Variants in CBFA2T2 observed in about 807,000 individuals in gnomAD.
CBFA2T2 encodes protein CBFA2T2.
CBFA2T2 carries 11 observed loss-of-function variants against 62.2 expected under a neutral mutation model. The observed-to-expected ratio is 0.18, with a 90% CI of 0.11 to 0.29. The LOEUF (loss-of-function observed/expected upper bound fraction) is 0.29, where lower values mean the gene tolerates loss of function less well. Among genes scored for constraint, CBFA2T2 ranks in the 10% least tolerant of loss-of-function variants. CBFA2T2 has a pLI of 1.00. For synonymous variants in CBFA2T2, 295 were observed against 287.5 expected (o/e 1.03, Z -0.27); for missense variants, 592 against 774.1 (o/e 0.76, Z 2.79).
At chr20:33,544,139 C>CA (rs1568810382) in intron 1 of CBFA2T2, among the ~76,000 whole-genome samples, 1 of 152,178 alleles carries the variant, frequency 6.6e-6, no homozygotes, top group Admixed American at 6.5e-5. Flanking sequence ...TAATGACTCC[C>CA]ATTTTACTGA....
At chr20:33,528,930 G>A (rs763081443) in intron 1 of CBFA2T2, among the ~76,000 whole-genome samples, 2 of 152,176 alleles carry the variant, frequency 1.3e-5, no homozygotes, top group East Asian at 1.9e-4. Flanking sequence ...TTTTGGGCTC[G>A]TGATGCCACC....
chr20:33,570,001 C>G (rs1025680598), intron 1 of CBFA2T2, among the ~76,000 whole-genome samples: 37 of 152,294 alleles, frequency 2.4e-4, no homozygotes, highest in African/African-American at 8.9e-4. Context: ...CAAGACAAGC[C>G]TGGGCAACAT....
chr20:33,578,018 A>G (rs2013909316), intron 1 of CBFA2T2, among the ~76,000 whole-genome samples: 1 of 152,214 alleles, frequency 6.6e-6, no homozygotes, highest in African/African-American at 2.4e-5. Flanking sequence ...TTGGGTAAAT[A>G]TGAAACTTGC....
intron 1 of CBFA2T2, among the ~76,000 whole-genome samples, chr20:33,506,326 G>T (rs1330131903): frequency 6.6e-6 from 1 of 151,842 alleles, no homozygotes; most frequent in Non-Finnish European, 1.5e-5. Context: ...TAGCAAAATG[G>T]CCAGTACTAC....
chr20:33,527,000 C>G (rs2011906887), intron 1 of CBFA2T2, among the ~76,000 whole-genome samples: 1 of 152,144 alleles, frequency 6.6e-6, no homozygotes, highest in Admixed American at 6.5e-5. Flanking sequence ...TCCAGTGTTT[C>G]CTAAGTTTAT....
intron 1 of CBFA2T2, among the ~76,000 whole-genome samples, chr20:33,547,075 C>T (rs753215281): frequency 2.0e-5 from 3 of 152,124 alleles, no homozygotes; most frequent in Non-Finnish European, 4.4e-5. Context: ...GGGTACACAT[C>T]TGTAGTCCCA....
intron 1 of CBFA2T2, among the ~76,000 whole-genome samples, chr20:33,546,690 T>C (rs1041256485): frequency 1.3e-5 from 2 of 151,872 alleles, no homozygotes; most frequent in Admixed American, 6.6e-5. Flanking sequence ...TATAGAGGTC[T>C]CCCTCTGTTT....
chr20:33,501,519 G>C (rs1481346117), intron 1 of CBFA2T2, among the ~76,000 whole-genome samples: 1 of 151,180 alleles, frequency 6.6e-6, no homozygotes, highest in Non-Finnish European at 1.5e-5. Context: ...CGGGAGAGGT[G>C]ATGGTTTTAG....
chr20:33,587,517 T>G (rs1229289717), intron 1 of CBFA2T2, among the ~76,000 whole-genome samples: 1 of 151,958 alleles, frequency 6.6e-6, no homozygotes, highest in Non-Finnish European at 1.5e-5. Flanking sequence ...CCGCCCCCCT[T>G]GGCCTCCCAA....
chr20:33,517,441 G>GT (rs1443498094), intron 1 of CBFA2T2, among the ~76,000 whole-genome samples: 5 of 145,210 alleles, frequency 3.4e-5, no homozygotes, highest in East Asian at 2.0e-4. Flanking sequence ...GGTTTTTTTG[G>GT]TTTTTTTGGT....
Position 33,649,518 on chromosome 20 carries a change from T to G in CBFA2T2, c.*4872T>G, listed in dbSNP as rs2017176389. The G allele has an allele frequency of 6.6e-6, 1 of 152,536 alleles. No individual in the cohort carries two copies. Among genetic ancestry groups the G allele is most frequent in the Non-Finnish European group, 1.5e-5 (1 of 68,078 alleles). 9.4% of individuals were successfully genotyped at this position (152,536 alleles called of 1,614,324 possible). On this transcript the variant is annotated 3_prime_UTR_variant, in exon 11 of 11. Coordinates refer to ENST00000342704, the MANE Select transcript of CBFA2T2 (RefSeq NM_001032999.3). ...TCCCCTCCTCCCCCTCCACAGCCCC[T>G]GAGGTGGAGCTTCCCTCACAGACCC...
intron 1 of CBFA2T2, chr20:33,562,788 A>G (rs2013138217): frequency 3.6e-6 from 2 of 559,262 alleles, no homozygotes; most frequent in South Asian, 7.9e-5. Context: ...ATTTGATACA[A>G]GAGTTCAGCC....
At chr20:33,573,720 T>C (rs890227221) in intron 1 of CBFA2T2, among the ~76,000 whole-genome samples, 3 of 152,086 alleles carry the variant, frequency 2.0e-5, no homozygotes, top group Non-Finnish European at 4.4e-5. Flanking sequence ...GACCTCGTGA[T>C]CCGCCCACCT....
intron 1 of CBFA2T2, among the ~76,000 whole-genome samples, chr20:33,596,663 G>C (rs940352855): frequency 6.6e-6 from 1 of 152,110 alleles, no homozygotes; most frequent in African/African-American, 2.4e-5. Context: ...GCTTTCCGTA[G>C]AATCTATATG....
rs11471183 is a variant in CBFA2T2, at chr20:33,528,691, C to CGT, written c.34+38408_34+38409dup. 4.0e-3 allele frequency among the ~76,000 whole-genome samples: 599 copies of CGT among 150,344 alleles called. 10 individuals are homozygous for CGT. Among genetic ancestry groups the CGT allele is most frequent in the Admixed American group, 0.03 (449 of 15,072 alleles). ...TGTTAACCTGCCTTAAATGTCCACTCGTGTGTGTGTGTGTGTGTGCGTGTG... is the reference window on the plus strand; with the variant it reads ...TGTTAACCTGCCTTAAATGTCCACTCGTGTGTGTGTGTGTGTGTGTGCGTGTG... On this transcript the variant is annotated intron_variant, in intron 1 of 10. Coordinates refer to ENST00000342704, the MANE Select transcript of CBFA2T2 (RefSeq NM_001032999.3).
At chr20:33,561,473 A>G (rs2013088284) in intron 1 of CBFA2T2, among the ~76,000 whole-genome samples, 1 of 152,190 alleles carries the variant, frequency 6.6e-6, no homozygotes, top group African/African-American at 2.4e-5. Context: ...CCCTTCACTC[A>G]ATTTGCCCCA....
At chr20:33,573,970 G>A in intron 1 of CBFA2T2, 1 of 305,620 alleles carries the variant, frequency 3.3e-6, no homozygotes, top group South Asian at 7.3e-5. Flanking sequence ...TTTTTTTTTT[G>A]TAGAGGTGGG....
rs765316437 is a variant in CBFA2T2, at chr20:33,640,394, G to A, written c.1351G>A (p.Val451Ile). 25 of 1,614,128 alleles carry A rather than the reference G, an allele frequency of 1.5e-5. No homozygotes were observed. The highest frequency in any genetic ancestry group is 1.8e-5 in the Non-Finnish European group (21 of 1,180,054). Reference protein sequence around the residue: ...IQAMSEVQKAVAEAEQKAFEV... With the variant: ...IQAMSEVQKAIAEAEQKAFEV... ...GGCCATGTCAGAAGTACAGAAGGCC[G>A]TCGCTGAGGCAGAGCAGAAAGCCTT... Residue 451 changes from valine (V) to isoleucine (I), a missense_variant, in exon 10 of 11, where the codon GTC (valine) becomes ATC (isoleucine). Val to Ile is a conservative substitution (Grantham distance 29). Around this residue, in one of 3 missense-constraint regions of CBFA2T2, gnomAD observed 58 missense variants for 123.9 expected, o/e 0.47. Transcript: ENST00000342704.
intron 1 of CBFA2T2, among the ~76,000 whole-genome samples, chr20:33,508,663 G>A (rs1380853521): frequency 2.0e-5 from 3 of 152,120 alleles, no homozygotes; most frequent in Non-Finnish European, 2.9e-5. Context: ...CCACTTGTAA[G>A]TGAAAACATG....
Sources: allele counts gnomAD v4.1 joint callset (sites outside exome capture counted in the v4.1 genomes callset), GRCh38; gene constraint gnomAD v4.1.1; regional missense constraint gnomAD v4.1.1; transcripts MANE v1.5; gene names NCBI Gene and HGNC (gene_info 2026-07-23, HGNC 2026-07-21).